Variants in RTKN2 observed in about 807,000 individuals in gnomAD.
The protein encoded by RTKN2 is rhotekin 2.
In RTKN2, 69 loss-of-function variants were observed where a neutral mutation model predicts 71.5. The observed-to-expected ratio is 0.96, with a 90% CI of 0.79 to 1.18. The LOEUF is 1.18. Ranked by LOEUF, RTKN2 falls within the 50% of genes most tolerant of loss-of-function variation. The pLI is 0.00. For missense variants in RTKN2, 724 were observed against 719.7 expected (o/e 1.01, Z -0.07); for synonymous variants, 236 against 236.5 (o/e 1.00, Z 0.02).
intron 10 of RTKN2, among the ~76,000 whole-genome samples, chr10:62,202,862 C>CAT (rs1841471726): frequency 6.6e-6 from 1 of 152,176 alleles, no homozygotes; most frequent in Non-Finnish European, 1.5e-5. Flanking sequence ...TTTTTATGCA[C>CAT]ATAACAATTA....
chr10:62,225,586 G>A (rs1489447249), intron 6 of RTKN2, among the ~76,000 whole-genome samples: 3 of 152,188 alleles, frequency 2.0e-5, no homozygotes, highest in Middle Eastern at 3.4e-3. Flanking sequence ...AGATTTGAGG[G>A]TTTTATCTAT....
chr10:62,256,022 C>CTTT (rs34518542), intron 2 of RTKN2, among the ~76,000 whole-genome samples: 8 of 145,822 alleles, frequency 5.5e-5, no homozygotes, highest in South Asian at 2.2e-4. Context: ...AATCTAGACT[C>CTTT]TTTTTTTTTT....
At chr10:62,218,836 A>C (rs1217692992) in intron 7 of RTKN2, among the ~76,000 whole-genome samples, 2 of 140,880 alleles carry the variant, frequency 1.4e-5, no homozygotes, top group African/African-American at 5.3e-5. Context: ...AAATACAAAA[A>C]TTAGCTGGGC....
At chr10:62,229,827 T>C (rs1346882627) in intron 6 of RTKN2, among the ~76,000 whole-genome samples, 2 of 152,218 alleles carry the variant, frequency 1.3e-5, no homozygotes, top group African/African-American at 4.8e-5. Context: ...TTTTAACTAC[T>C]TTAAGGTTAA....
At chr10:62,239,454 T>G in intron 5 of RTKN2, 194 bp downstream of exon 5, 1 of 393,712 alleles carries the variant, frequency 2.5e-6, no homozygotes. Flanking sequence ...CCATTTTTAT[T>G]TCACATCAGA....
intron 6 of RTKN2, among the ~76,000 whole-genome samples, chr10:62,230,650 G>A (rs376326257): frequency 2.6e-5 from 4 of 152,058 alleles, no homozygotes; most frequent in South Asian, 4.1e-4. Context: ...AGGTAGGCAG[G>A]GCAGATATTT....
chr10:62,245,557 C>A (rs1250093168), intron 3 of RTKN2, among the ~76,000 whole-genome samples: 1 of 152,100 alleles, frequency 6.6e-6, no homozygotes, highest in Non-Finnish European at 1.5e-5. Flanking sequence ...GAGCCAAGCA[C>A]CATGCTAGCT....
At position 62,197,750 on chromosome 10, in the gene RTKN2, A is replaced by G; in HGVS notation, c.*158T>C. On this transcript the variant is annotated 3_prime_UTR_variant, in exon 12 of 12. Transcript: ENST00000373789. ...CAAATCAGGAGTAAAAGAGAAATCC[A>G]CTTCTTCATTATAAAATGTTTTTCT... The G allele has an allele frequency of 7.1e-7, 1 of 1,416,258 alleles. No homozygotes were observed. Among genetic ancestry groups the G allele is most frequent in the Non-Finnish European group, 9.2e-7 (1 of 1,091,580 alleles). The allele number at this position is 1,416,258 out of a possible 1,614,324, so 87.7% of individuals were successfully genotyped here. A position where few individuals can be genotyped will look rare whatever the true frequency, so the allele number is the denominator to read the frequency against.
rs2133127704 is a variant in RTKN2 at position 62,268,801 on chromosome 10, G to A, written c.-191C>T. ...GCGCGCCTTGCGCTCTGCAGCTCCC[G>A]CCGCCGGAAGTTGCCGAGACCCCAG... is the stretch of plus-strand genomic sequence containing the variant. On this transcript the variant is annotated 5_prime_UTR_variant, in exon 1 of 12. Transcript: ENST00000373789. 5.3e-6 allele frequency: 3 copies of A among 571,382 alleles called. No individual in the cohort carries two copies. Among genetic ancestry groups the A allele is most frequent in the East Asian group, 3.4e-5 (1 of 29,642 alleles). 35.4% of individuals were successfully genotyped at this position (571,382 alleles called of 1,614,324 possible).
rs1372026066 is a variant in RTKN2, at chr10:62,195,621, A to C, written c.*2287T>G. 1 of 129,198 alleles carries C rather than the reference A, an allele frequency of 7.7e-6. No individual in the cohort carries two copies. Among genetic ancestry groups the C allele is most frequent in the Non-Finnish European group, 1.3e-5 (1 of 79,808 alleles). 8.0% of individuals were successfully genotyped at this position (129,198 alleles called of 1,614,324 possible). A position where few individuals can be genotyped will look rare whatever the true frequency, so the allele number is the denominator to read the frequency against. On this transcript the variant is annotated 3_prime_UTR_variant, in exon 12 of 12. Transcript: ENST00000373789. The stretch of plus-strand genomic sequence containing the variant: ...ACAGAGGGAATGAAGGAAGGAAGGA[A>C]GGAAGGAAGGAAGGAAGGAAGGAAG...
downstream of RTKN2, among the ~76,000 whole-genome samples, chr10:62,189,288 G>A (rs756843944): frequency 3.3e-5 from 5 of 152,022 alleles, no homozygotes; most frequent in Non-Finnish European, 5.9e-5. Flanking sequence ...AATGTCCTCA[G>A]ACATAGTCAA....
intron 9 of RTKN2, among the ~76,000 whole-genome samples, chr10:62,208,464 T>C (rs1223301880): frequency 2.0e-5 from 3 of 152,280 alleles, no homozygotes; most frequent in Middle Eastern, 3.4e-3. Context: ...AAGAGTCAAC[T>C]CGAAGGGGCT....
intron 7 of RTKN2, among the ~76,000 whole-genome samples, chr10:62,221,756 G>A (rs1193936676): frequency 6.6e-6 from 1 of 152,002 alleles, no homozygotes; most frequent in Non-Finnish European, 1.5e-5. Flanking sequence ...AGCAAATATG[G>A]AACACACGGG....
intron 6 of RTKN2, among the ~76,000 whole-genome samples, chr10:62,224,759 A>T (rs1286874804): frequency 1.3e-5 from 2 of 152,074 alleles, no homozygotes; most frequent in African/African-American, 2.4e-5. Context: ...AAAAGAATCT[A>T]GCCAAGCAAA....
chr10:62,231,189 G>GT (rs1441934365), intron 6 of RTKN2, among the ~76,000 whole-genome samples: 1 of 152,116 alleles, frequency 6.6e-6, no homozygotes, highest in Non-Finnish European at 1.5e-5. Context: ...CTTTTGTCAA[G>GT]TAAATAATCA....
chr10:62,227,135 AACG>A lies in RTKN2; in HGVS notation c.687-3806_687-3804del, dbSNP rs529159549. Among the ~76,000 whole-genome samples, 143 of 152,354 alleles carry A rather than the reference AACG, an allele frequency of 9.4e-4. No individual in the cohort carries two copies. The South Asian group carries it at 0.011, about 11-fold the overall frequency. ...TGCCAGGCACTGTTCCAGGTGTTAA[AACG>A]ACAACAATCAACGAAATAGGGGAGG... On this transcript the variant is annotated intron_variant, in intron 6 of 11. Coordinates refer to ENST00000373789, the MANE Select transcript of RTKN2 (RefSeq NM_145307.4).
intron 7 of RTKN2, among the ~76,000 whole-genome samples, chr10:62,218,942 C>G (rs1444859893): frequency 1.3e-5 from 2 of 152,126 alleles, no homozygotes; most frequent in Non-Finnish European, 2.9e-5. Context: ...ACTCAGACTG[C>G]ACCACTGCAC....
In RTKN2 at chr10:62,195,974, A is replaced by C. The variant is rs1841323519; in HGVS notation, c.*1934T>G. On this transcript the variant is annotated 3_prime_UTR_variant, in exon 12 of 12. Transcript: ENST00000373789. ...TTAAGTCCTTCCTGCTGTTATCTGC[A>C]TGAGGAAAAATGACAAGAATATAAT... The C allele has an allele frequency of 3.0e-6, 3 of 985,092 alleles. No individual in the cohort carries two copies. Among genetic ancestry groups the C allele is most frequent in the African/African-American group, 1.7e-5 (1 of 57,228 alleles). The allele number at this position is 985,092 out of a possible 1,614,324, so 61.0% of individuals were successfully genotyped here. A position where few individuals can be genotyped will look rare whatever the true frequency, so the allele number is the denominator to read the frequency against.
At chr10:62,253,444 A>T (rs1381408831) in intron 2 of RTKN2, among the ~76,000 whole-genome samples, 1 of 152,174 alleles carries the variant, frequency 6.6e-6, no homozygotes, top group Non-Finnish European at 1.5e-5. Context: ...GGGTCAAAAA[A>T]TAAGGAAGGT....
Sources: gnomAD v4.1 joint callset for allele counts (sites outside exome capture counted in the v4.1 genomes callset) on GRCh38, gnomAD v4.1.1 for gene constraint, MANE v1.5 for transcripts, NCBI Gene and HGNC (gene_info 2026-07-23, HGNC 2026-07-21) for gene names.